Variants in ASTN2 observed in about 807,000 individuals in gnomAD.
ASTN2 encodes the protein astrotactin 2, also known as astrotactin-2.
ASTN2 carries 54 observed loss-of-function variants against 139.8 expected under a neutral mutation model. That is an observed-to-expected ratio of 0.39 (90% CI 0.31 to 0.48). The LOEUF (loss-of-function observed/expected upper bound fraction) is 0.48, where lower values mean the gene tolerates loss of function less well. Ranked by LOEUF, ASTN2 falls within the 20% of genes least tolerant of loss-of-function variation. The pLI, the probability that ASTN2 is intolerant of heterozygous loss-of-function variation, is 0.95. For synonymous variants in ASTN2, 756 were observed against 719.5 expected, an observed-to-expected ratio of 1.05 and a Z score of -0.81; for missense variants, 1,565 against 1,725.1, an observed-to-expected ratio of 0.91 and a Z score of 1.64.
At chr9:116,773,683 T>C (rs1348202940) in intron 13 of ASTN2, among the ~76,000 whole-genome samples, 2 of 144,630 alleles carry the variant, frequency 1.4e-5, no homozygotes, top group African/African-American at 5.3e-5. Flanking sequence ...CATCTTCCCT[T>C]GCAGTAAGAG....
At chr9:117,304,613 T>G (rs897776287) in intron 1 of ASTN2, among the ~76,000 whole-genome samples, 1 of 152,220 alleles carries the variant, frequency 6.6e-6, no homozygotes, top group Non-Finnish European at 1.5e-5. Flanking sequence ...GCTTCAACAG[T>G]ACTGCTTCAG....
At chr9:117,161,774 G>A (rs1830558779) in intron 3 of ASTN2, among the ~76,000 whole-genome samples, 1 of 151,926 alleles carries the variant, frequency 6.6e-6, no homozygotes, top group Non-Finnish European at 1.5e-5. Context: ...TTCTGGCAAG[G>A]GGAAACAAAG....
chr9:117,385,725 G>A (rs111642503), intron 1 of ASTN2, among the ~76,000 whole-genome samples: 11 of 152,060 alleles, frequency 7.2e-5, no homozygotes, highest in African/African-American at 2.7e-4. Flanking sequence ...GGAAAAGGAG[G>A]GGAGGAAAGA....
At chr9:117,357,212 T>A (rs1375909949) in intron 1 of ASTN2, among the ~76,000 whole-genome samples, 1 of 152,230 alleles carries the variant, frequency 6.6e-6, no homozygotes, top group Non-Finnish European at 1.5e-5. Flanking sequence ...TTTAAAAATG[T>A]ATTTTTAAGT....
chr9:116,715,377 C>G (rs1234244353), intron 16 of ASTN2, among the ~76,000 whole-genome samples: 1 of 152,176 alleles, frequency 6.6e-6, no homozygotes, highest in African/African-American at 2.4e-5. Context: ...TTGCTCCTAA[C>G]TGGTCCAAGA....
At chr9:116,533,271 G>T (rs1228081014) in intron 19 of ASTN2, among the ~76,000 whole-genome samples, 2 of 152,154 alleles carry the variant, frequency 1.3e-5, no homozygotes, top group African/African-American at 2.4e-5. Context: ...CTGAGACAAT[G>T]GGGTTTTCTA....
At chr9:117,087,724 G>T (rs1828605369) in intron 5 of ASTN2, among the ~76,000 whole-genome samples, 1 of 152,162 alleles carries the variant, frequency 6.6e-6, no homozygotes, top group Non-Finnish European at 1.5e-5. Flanking sequence ...AAGGAGAACA[G>T]AAGGACAACT....
intron 5 of ASTN2, among the ~76,000 whole-genome samples, chr9:117,081,326 T>C (rs1184750486): frequency 6.6e-6 from 1 of 152,162 alleles, no homozygotes; most frequent in Non-Finnish European, 1.5e-5. Flanking sequence ...GGGAAGGACA[T>C]GTTCTACCCA....
intron 2 of ASTN2, among the ~76,000 whole-genome samples, chr9:117,285,800 C>A (rs976898387): frequency 6.6e-6 from 1 of 152,298 alleles, no homozygotes; most frequent in East Asian, 1.9e-4. Flanking sequence ...CTCTTGGAAT[C>A]CTGAATCCTC....
chr9:117,266,438 C>A (rs1833940516), intron 2 of ASTN2, among the ~76,000 whole-genome samples: 1 of 152,124 alleles, frequency 6.6e-6, no homozygotes, highest in Non-Finnish European at 1.5e-5. Flanking sequence ...TTAGGTGTTA[C>A]TGCTCCATGC....
At chr9:116,557,877 G>C (rs879112749) in intron 19 of ASTN2, among the ~76,000 whole-genome samples, 1 of 152,144 alleles carries the variant, frequency 6.6e-6, no homozygotes, top group African/African-American at 2.4e-5. Flanking sequence ...GTGGTTCTTG[G>C]GGTTTTCAAC....
intron 10 of ASTN2, among the ~76,000 whole-genome samples, chr9:116,905,531 C>T (rs1052248664): frequency 6.6e-6 from 1 of 152,114 alleles, no homozygotes; most frequent in African/African-American, 2.4e-5. Context: ...CCTTCATGTG[C>T]CTTACACTCA....
chr9:117,268,076 C>T (rs1037016487), intron 2 of ASTN2, among the ~76,000 whole-genome samples: 1 of 152,158 alleles, frequency 6.6e-6, no homozygotes, highest in Non-Finnish European at 1.5e-5. Context: ...AAATGTGGTT[C>T]CCTTCTAAAC....
intron 4 of ASTN2, among the ~76,000 whole-genome samples, chr9:117,107,932 C>A (rs1414992910): frequency 6.6e-6 from 1 of 152,164 alleles, no homozygotes; most frequent in Non-Finnish European, 1.5e-5. Flanking sequence ...CTCATAGTTG[C>A]AGTATTCCCT....
At chr9:116,837,996 T>A (rs1034170449) in intron 11 of ASTN2, among the ~76,000 whole-genome samples, 1 of 152,066 alleles carries the variant, frequency 6.6e-6, no homozygotes, top group Non-Finnish European at 1.5e-5. Context: ...AGGATTATGA[T>A]GAAATTATCC....
intron 19 of ASTN2, among the ~76,000 whole-genome samples, chr9:116,525,005 A>C (rs1426311645): frequency 1.3e-5 from 2 of 152,240 alleles, no homozygotes; most frequent in Non-Finnish European, 2.9e-5. Flanking sequence ...TGGAGGGCAC[A>C]GAAGAAGACA....
In ASTN2 at chr9:116,838,378, T is replaced by C. The variant is rs1047771664; in HGVS notation, c.2041-17595A>G. 7.0e-4 allele frequency among the ~76,000 whole-genome samples: 105 copies of C among 149,112 alleles called. 1 individual carries two copies. The highest frequency in any genetic ancestry group is 2.5e-3 in the African/African-American group (102 of 40,272). ...GCCCGCCTCAGCACTCCCAAAGTAC[T>C]GGGATTACAGCTGTGAGGCACCGCA... On this transcript the variant is annotated intron_variant, in intron 11 of 22. Coordinates refer to ENST00000313400, the MANE Select transcript of ASTN2 (RefSeq NM_001365068.1).
At chr9:116,937,791 G>A (rs903346447) in intron 10 of ASTN2, among the ~76,000 whole-genome samples, 3 of 152,186 alleles carry the variant, frequency 2.0e-5, no homozygotes, top group Non-Finnish European at 4.4e-5. Flanking sequence ...TGATAAATAT[G>A]TGTTAGTTTT....
At chr9:116,540,406 A>G (rs1851827612) in intron 19 of ASTN2, 1 of 152,260 alleles carries the variant, frequency 6.6e-6, no homozygotes, top group East Asian at 1.9e-4. Context: ...AATTATATGT[A>G]GAGTTTCACT....
Sources: allele counts gnomAD v4.1 joint callset (sites outside exome capture counted in the v4.1 genomes callset), GRCh38; gene constraint gnomAD v4.1.1; transcripts MANE v1.5; gene names NCBI Gene and HGNC (gene_info 2026-07-23, HGNC 2026-07-21).